The following GLG1 variants were observed in gnomAD, a reference collection of about 807,000 sequenced individuals.
The protein encoded by GLG1 is Golgi apparatus protein 1.
Under a neutral mutation model 160.5 loss-of-function variants are expected in GLG1, and 38 were observed. The observed-to-expected ratio is 0.24, with a 90% CI of 0.18 to 0.31. The LOEUF (loss-of-function observed/expected upper bound fraction) is 0.31. Ranked by LOEUF, GLG1 falls within the 10% of genes least tolerant of loss-of-function variation. GLG1 has a pLI of 1.00. For synonymous variants in GLG1, 644 were observed against 543.4 expected, an observed-to-expected ratio of 1.19 and a Z score of -2.57; for missense variants, 1,373 against 1,505.2, an observed-to-expected ratio of 0.91 and a Z score of 1.45.
intron 13 of GLG1, chr16:74,474,251 C>T (rs1388254476): frequency 1.2e-5 from 3 of 245,908 alleles, no homozygotes; most frequent in Admixed American, 5.0e-5. Flanking sequence ...CGCTCCCGGC[C>T]GTACAGCTGC....
At chr16:74,556,201 T>C (rs2018348841) in intron 1 of GLG1, among the ~76,000 whole-genome samples, 1 of 152,156 alleles carries the variant, frequency 6.6e-6, no homozygotes, top group Non-Finnish European at 1.5e-5. Flanking sequence ...AAAATGTCCC[T>C]CTTACTCTTA....
Position 74,579,956 on chromosome 16 carries a change from T to G in GLG1, c.438+26701A>C, listed in dbSNP as rs201845200. 7.0e-5 allele frequency among the ~76,000 whole-genome samples: 10 copies of G among 142,544 alleles called. No individual in the cohort carries two copies. The East Asian group carries it at 8.6e-4, about 12-fold the overall frequency. The allele number at this position is 142,544 out of a possible 152,430, so 93.5% of individuals were successfully genotyped here. On this transcript the variant is annotated intron_variant, in intron 1 of 25. Transcript: ENST00000422840. ...CACGTGCCTGTAGTCCCAGCTACTC[T>G]GGAGGCTGAGGCAGGAGAATCGCTT...
chr16:74,518,776 G>C (rs964853992), intron 2 of GLG1, among the ~76,000 whole-genome samples: 1 of 152,166 alleles, frequency 6.6e-6, no homozygotes, highest in Non-Finnish European at 1.5e-5. Flanking sequence ...CAGAATGGGA[G>C]AACATTTTTG....
rs550679635 is a variant in GLG1, at chr16:74,591,108, G to A, written c.438+15549C>T. Among the ~76,000 whole-genome samples the A allele has an allele frequency of 1.2e-4, 19 of 152,158 alleles. No individual in the cohort carries two copies. In the South Asian group the frequency reaches 2.9e-3, roughly 23 times the overall value. On this transcript the variant is annotated intron_variant, in intron 1 of 25. Transcript: ENST00000422840. Reference sequence around the variant, plus strand: ...AGCACTTTGGGAGGCCAAGGTGGGCGGATCACGAGGTCAGGAGTTTGAGAC... The same window carrying A: ...AGCACTTTGGGAGGCCAAGGTGGGCAGATCACGAGGTCAGGAGTTTGAGAC...
At chr16:74,489,384 T>C (rs2015902673) in intron 8 of GLG1, among the ~76,000 whole-genome samples, 1 of 151,536 alleles carries the variant, frequency 6.6e-6, no homozygotes, top group Non-Finnish European at 1.5e-5. Flanking sequence ...GGCAGGAGAA[T>C]CATTTGAACC....
At chr16:74,548,912 C>G (rs1176786121) in intron 1 of GLG1, among the ~76,000 whole-genome samples, 1 of 152,132 alleles carries the variant, frequency 6.6e-6, no homozygotes, top group Non-Finnish European at 1.5e-5. Context: ...AGGAGAATCA[C>G]TTGAACCCAG....
chr16:74,575,717 G>A (rs529840630), intron 1 of GLG1, among the ~76,000 whole-genome samples: 1 of 152,174 alleles, frequency 6.6e-6, no homozygotes, highest in Non-Finnish European at 1.5e-5. Context: ...TCCTGCCTCA[G>A]CTTCCGCAGT....
chr16:74,469,844 C>G lies in GLG1; in HGVS notation c.2318+141G>C. 6.1e-6 allele frequency: 4 copies of G among 655,552 alleles called. No homozygotes were observed. In the Admixed American group the frequency reaches 7.1e-5, roughly 12 times the overall value. The allele number at this position is 655,552 out of a possible 1,614,324, so 40.6% of individuals were successfully genotyped here. On this transcript the variant is annotated intron_variant, in intron 16 of 25. Coordinates refer to ENST00000422840, the MANE Select transcript of GLG1 (RefSeq NM_001145667.2). ...GTCCAGACAGTCCGAGTGTTTGCCA[C>G]GCTAATCAAAGGAGAGATGCGGGAG...
intron 1 of GLG1, among the ~76,000 whole-genome samples, chr16:74,596,995 C>T (rs1958320085): frequency 6.6e-6 from 1 of 151,842 alleles, no homozygotes; most frequent in Admixed American, 6.6e-5. Flanking sequence ...ATGGTTACTA[C>T]TAAGGAGGAG....
At chr16:74,455,492 C>A (rs1006466906) in intron 25 of GLG1, among the ~76,000 whole-genome samples, 1 of 152,172 alleles carries the variant, frequency 6.6e-6, no homozygotes, top group Non-Finnish European at 1.5e-5. Context: ...CTTCCCTGAG[C>A]CACCGGCTTT....
At chr16:74,592,686 T>C (rs369005963) in intron 1 of GLG1, among the ~76,000 whole-genome samples, 6 of 152,326 alleles carry the variant, frequency 3.9e-5, no homozygotes, top group African/African-American at 1.4e-4. Context: ...AGGGTTTGAA[T>C]CCAGGACTGC....
At chr16:74,568,418 CTTTT>C (rs57385691) in intron 1 of GLG1, among the ~76,000 whole-genome samples, 3 of 130,506 alleles carry the variant, frequency 2.3e-5, no homozygotes, top group Non-Finnish European at 3.3e-5. Context: ...AATTTTACTG[CTTTT>C]TTTTTTTTTT....
Position 74,451,371 on chromosome 16 carries a change from C to G in GLG1, c.*1796G>C, listed in dbSNP as rs1202566580. 1 of 152,166 alleles carries G rather than the reference C, an allele frequency of 6.6e-6. No homozygotes were observed. The highest frequency in any genetic ancestry group is 1.5e-5 in the Non-Finnish European group (1 of 68,056). 9.4% of individuals were successfully genotyped at this position (152,166 alleles called of 1,614,324 possible). On this transcript the variant is annotated 3_prime_UTR_variant, in exon 26 of 26. Transcript: ENST00000422840. ...ATCAGTTGGCTTCTGGAACCCACTG[C>G]CTCCAGGAAGGGCAGCAAATAGAAA...
Position 74,463,336 on chromosome 16 carries a change from G to A in GLG1, c.2791+20C>T. ...TTTCAGATACTCCACGGGGCCAGGAGAGCCAAGCCAAGATCTTACCTGTGT... is the reference window on the plus strand; with the variant it reads ...TTTCAGATACTCCACGGGGCCAGGAAAGCCAAGCCAAGATCTTACCTGTGT... On this transcript the variant is annotated intron_variant, in intron 20 of 25. Coordinates refer to ENST00000422840, the MANE Select transcript of GLG1 (RefSeq NM_001145667.2). 1 of 1,612,812 alleles carries A rather than the reference G, an allele frequency of 6.2e-7. No individual in the cohort carries two copies. Among genetic ancestry groups the A allele is most frequent in the Non-Finnish European group, 8.5e-7 (1 of 1,178,928 alleles).
chr16:74,532,362 T>C (rs935169827), intron 1 of GLG1, among the ~76,000 whole-genome samples: 12 of 152,004 alleles, frequency 7.9e-5, no homozygotes, highest in African/African-American at 2.9e-4. Flanking sequence ...GAAAGGTACA[T>C]GAGACTTAAC....
At chr16:74,530,280 C>T (rs1451987737) in intron 2 of GLG1, among the ~76,000 whole-genome samples, 4 of 152,178 alleles carry the variant, frequency 2.6e-5, no homozygotes, top group African/African-American at 9.7e-5. Flanking sequence ...TCCATAAATT[C>T]ATAGAAGTAG....
intron 20 of GLG1, 194 bp from the exon 21 acceptor site, chr16:74,462,824 T>C (rs2014854842): frequency 5.0e-6 from 3 of 598,122 alleles, no homozygotes; most frequent in Non-Finnish European, 8.8e-6. Context: ...AACGAGTACT[T>C]CTGGAGGTCC....
intron 1 of GLG1, among the ~76,000 whole-genome samples, chr16:74,590,570 G>A (rs1236777315): frequency 6.8e-6 from 1 of 147,818 alleles, no homozygotes; most frequent in African/African-American, 2.5e-5. Flanking sequence ...CCAGTGAGCC[G>A]AGATTACACC....
chr16:74,460,445 C>A (rs1008699613), intron 22 of GLG1, among the ~76,000 whole-genome samples: 1 of 152,220 alleles, frequency 6.6e-6, no homozygotes, highest in Non-Finnish European at 1.5e-5. Flanking sequence ...GCATGAGCCA[C>A]CACACCCGGC....
Sources: allele counts gnomAD v4.1 joint callset (sites outside exome capture counted in the v4.1 genomes callset), GRCh38; gene constraint gnomAD v4.1.1; transcripts MANE v1.5; gene names NCBI Gene and HGNC (gene_info 2026-07-23, HGNC 2026-07-21).